The following PCSK2 variants were observed in gnomAD, a reference collection of about 807,000 sequenced individuals.
PCSK2 encodes proprotein convertase subtilisin/kexin type 2.
A neutral mutation model predicts 69.7 loss-of-function variants in PCSK2; 14 were observed. That is an observed-to-expected ratio of 0.20 (90% CI 0.13 to 0.31). The LOEUF is 0.31. Among genes scored for constraint, PCSK2 ranks in the 10% least tolerant of loss-of-function variants. The probability of loss-of-function intolerance (pLI) is 1.00; values close to 1 mark genes in which losing one functional copy is unlikely to be tolerated. For missense variants in PCSK2, 544 were observed against 842.5 expected (o/e 0.65, Z 4.39); for synonymous variants, 307 against 320.7 (o/e 0.96, Z 0.46).
chr20:17,323,283 G>A (rs145324243), intron 2 of PCSK2, among the ~76,000 whole-genome samples: 1 of 152,298 alleles, frequency 6.6e-6, no homozygotes, highest in East Asian at 1.9e-4. Flanking sequence ...GGACACAGAC[G>A]CACACAGAGG....
intron 6 of PCSK2, among the ~76,000 whole-genome samples, chr20:17,412,382 A>G (rs143094586): frequency 7.0e-4 from 106 of 152,358 alleles, no homozygotes; most frequent in African/African-American, 2.5e-3. Context: ...TTCGTGACGC[A>G]TGCAAAAGCT....
At chr20:17,371,342 G>T (rs2030756288) in intron 5 of PCSK2, among the ~76,000 whole-genome samples, 1 of 152,182 alleles carries the variant, frequency 6.6e-6, no homozygotes, top group Non-Finnish European at 1.5e-5. Flanking sequence ...GTTCCAGTGA[G>T]CTGCAGGTAC....
intron 2 of PCSK2, among the ~76,000 whole-genome samples, chr20:17,315,545 C>A (rs1989658410): frequency 6.6e-6 from 1 of 152,162 alleles, no homozygotes. Flanking sequence ...CGACTCCCGG[C>A]GCCTTTCTGG....
intron 3 of PCSK2, among the ~76,000 whole-genome samples, chr20:17,358,685 G>A (rs2030289846): frequency 6.6e-6 from 1 of 152,174 alleles, no homozygotes; most frequent in South Asian, 2.1e-4. Context: ...ACAACTAGTG[G>A]AATTCTCTTC....
chr20:17,480,414 C>T (rs1466644223), intron 11 of PCSK2, among the ~76,000 whole-genome samples: 2 of 152,110 alleles, frequency 1.3e-5, no homozygotes, highest in African/African-American at 4.8e-5. Flanking sequence ...TGGTCTCGAT[C>T]TCCTGACCTC....
intron 2 of PCSK2, among the ~76,000 whole-genome samples, chr20:17,330,486 C>G (rs1180028941): frequency 6.6e-6 from 1 of 151,996 alleles, no homozygotes; most frequent in Non-Finnish European, 1.5e-5. Flanking sequence ...CCCAGCTACT[C>G]AGGAGGCTGA....
chr20:17,442,748 G>A (rs2032623404), intron 8 of PCSK2, among the ~76,000 whole-genome samples: 1 of 152,148 alleles, frequency 6.6e-6, no homozygotes, highest in South Asian at 2.1e-4. Flanking sequence ...AATTCAACAT[G>A]GAAATTGACG....
intron 2 of PCSK2, among the ~76,000 whole-genome samples, chr20:17,262,292 C>T (rs1024557179): frequency 6.6e-6 from 1 of 152,070 alleles, no homozygotes; most frequent in Non-Finnish European, 1.5e-5. Context: ...TAGTTGTAAC[C>T]ATCTGCCTTG....
At chr20:17,372,202 A>G (rs2030787801) in intron 5 of PCSK2, among the ~76,000 whole-genome samples, 1 of 151,762 alleles carries the variant, frequency 6.6e-6, no homozygotes, top group African/African-American at 2.4e-5. Context: ...ACACGGTGAA[A>G]CCCCGTCTCT....
At chr20:17,422,366 G>A (rs2032151086) in intron 6 of PCSK2, among the ~76,000 whole-genome samples, 1 of 151,930 alleles carries the variant, frequency 6.6e-6, no homozygotes, top group African/African-American at 2.4e-5. Flanking sequence ...TCTAAGAAAA[G>A]GTGTGAGATC....
chr20:17,233,281 T>A (rs1005380284), intron 1 of PCSK2, among the ~76,000 whole-genome samples: 5 of 152,168 alleles, frequency 3.3e-5, no homozygotes, highest in African/African-American at 1.2e-4. Flanking sequence ...ATAAATAATG[T>A]AGTTAGTGCA....
chr20:17,449,052 A>G (rs1197602781), intron 8 of PCSK2, among the ~76,000 whole-genome samples: 1 of 152,016 alleles, frequency 6.6e-6, no homozygotes, highest in Non-Finnish European at 1.5e-5. Context: ...TTTTGTACAG[A>G]TGGGGGTGAG....
intron 2 of PCSK2, among the ~76,000 whole-genome samples, chr20:17,353,489 A>G (rs1206860926): frequency 6.6e-6 from 1 of 151,966 alleles, no homozygotes; most frequent in African/African-American, 2.4e-5. Context: ...AAGTCAAAAA[A>G]TAGTAAATGT....
At chr20:17,347,644 C>T (rs1339585215) in intron 2 of PCSK2, among the ~76,000 whole-genome samples, 18 of 151,954 alleles carry the variant, frequency 1.2e-4, no homozygotes, top group African/African-American at 9.7e-5. Flanking sequence ...GTTCAGCACG[C>T]GTAACAAATG....
At chr20:17,227,619 A>G in intron 1 of PCSK2, 137 bp downstream of exon 1, 1 of 641,762 alleles carries the variant, frequency 1.6e-6, no homozygotes, top group Non-Finnish European at 2.7e-6. Flanking sequence ...GCTCTTTAAC[A>G]CGATATTGCC....
At chr20:17,348,095 GAAAGAAAGA>G (rs1375516956) in intron 2 of PCSK2, among the ~76,000 whole-genome samples, 15 of 130,726 alleles carry the variant, frequency 1.1e-4, no homozygotes, top group Non-Finnish European at 2.0e-4. Context: ...AAGAAAGAAA[GAAAGAAAGA>G]AAAGAAAAGA....
intron 2 of PCSK2, among the ~76,000 whole-genome samples, chr20:17,305,746 T>A (rs999787078): frequency 2.0e-5 from 3 of 152,220 alleles, no homozygotes; most frequent in African/African-American, 7.2e-5. Flanking sequence ...ATTCCTAGCA[T>A]TTGCAATGGC....
chr20:17,254,949 T>C (rs1987121345), intron 1 of PCSK2, among the ~76,000 whole-genome samples: 1 of 152,226 alleles, frequency 6.6e-6, no homozygotes, highest in South Asian at 2.1e-4. Context: ...TGACTTATAT[T>C]CTTAACTTTA....
At chr20:17,288,047 G>A (rs1349659551) in intron 2 of PCSK2, among the ~76,000 whole-genome samples, 1 of 152,150 alleles carries the variant, frequency 6.6e-6, no homozygotes, top group Admixed American at 6.5e-5. Context: ...CCAAGGGCTG[G>A]CTCTGCAGGC....
Sources: gnomAD v4.1 joint callset for allele counts (sites outside exome capture counted in the v4.1 genomes callset) on GRCh38, gnomAD v4.1.1 for gene constraint, MANE v1.5 for transcripts, NCBI Gene and HGNC (gene_info 2026-07-23, HGNC 2026-07-21) for gene names.